The following CCDC171 variants were observed in gnomAD, a reference collection of about 807,000 sequenced individuals.
The protein encoded by CCDC171 is coiled-coil domain-containing protein 171.
Under a neutral mutation model 168.2 loss-of-function variants are expected in CCDC171, and 177 were observed. That is an observed-to-expected ratio of 1.05 (90% CI 0.93 to 1.19). The LOEUF (loss-of-function observed/expected upper bound fraction) is 1.19. Among genes scored for constraint, CCDC171 ranks in the 50% most tolerant of loss-of-function variants. The pLI is 0.00. For synonymous variants in CCDC171, 687 were observed against 540.8 expected (o/e 1.27, Z -3.75); for missense variants, 1,991 against 1,539.0 (o/e 1.29, Z -4.91).
At position 15,564,143 on chromosome 9, in the gene CCDC171, C is replaced by T. The variant is rs375601794; in HGVS notation, c.41+14C>T. 7.5e-5 allele frequency: 119 copies of T among 1,595,064 alleles called. No individual in the cohort carries two copies. The African/African-American group carries it at 1.1e-3, about 15-fold the overall frequency. Reference sequence around the variant, plus strand: ...TGATACCCAAAGGTAAGCCTCTAGTCTCTTCTTTTAGTTGATGAACGTTTT... The same window carrying T: ...TGATACCCAAAGGTAAGCCTCTAGTTTCTTCTTTTAGTTGATGAACGTTTT... On this transcript the variant is annotated intron_variant, in intron 2 of 25. Coordinates refer to ENST00000380701, the MANE Select transcript of CCDC171 (RefSeq NM_173550.4).
At chr9:15,573,217 A>G (rs754335635) in intron 3 of CCDC171, among the ~76,000 whole-genome samples, 1 of 152,170 alleles carries the variant, frequency 6.6e-6, no homozygotes, top group Non-Finnish European at 1.5e-5. Flanking sequence ...ATAACAAGAG[A>G]TGAATACATA....
intron 4 of CCDC171, among the ~76,000 whole-genome samples, chr9:15,584,765 G>A (rs1004950609): frequency 7.2e-5 from 11 of 152,156 alleles, no homozygotes; most frequent in African/African-American, 2.7e-4. Context: ...GGGGTATTGT[G>A]TTCTGAGCCC....
At position 15,666,275 on chromosome 9, in the gene CCDC171, A is replaced by G. The variant is rs2048727357; in HGVS notation, c.1028A>G (p.Tyr343Cys). 6.2e-7 allele frequency: 1 copy of G among 1,613,660 alleles called. No homozygotes were observed. ...GAATTCAAAGAAGTTGAAAGTGCAT[A>G]TGAGCGAGAAAAGCATAATGCACAA... Reference protein sequence around the residue: ...KNEFKEVESAYEREKHNAQES... With the variant: ...KNEFKEVESACEREKHNAQES... Residue 343 changes from tyrosine to cysteine, a missense_variant, in exon 9 of 26, where the codon TAT becomes TGT. Physicochemically the swap from Tyr to Cys is radical, Grantham distance 194. Transcript: ENST00000380701.
the CCDC171 span, among the ~76,000 whole-genome samples, chr9:16,106,098 C>A: frequency 6.6e-6 from 1 of 152,170 alleles, no homozygotes; most frequent in Non-Finnish European, 1.5e-5. Flanking sequence ...GGCCCCTGCC[C>A]AGCAAGAGGG....
intron 7 of CCDC171, among the ~76,000 whole-genome samples, chr9:15,635,052 TTG>T (rs2046096320): frequency 6.6e-6 from 1 of 152,186 alleles, no homozygotes. Flanking sequence ...TGATGGACGT[TTG>T]TGTTTGTATT....
chr9:15,953,493 G>C (rs2132512084), intron 25 of CCDC171, among the ~76,000 whole-genome samples: 1 of 152,234 alleles, frequency 6.6e-6, no homozygotes, highest in Admixed American at 6.5e-5. Flanking sequence ...ATTGGCTTTT[G>C]TATGTTGAGC....
chr9:15,948,723 C>A (rs1359731983), intron 25 of CCDC171, among the ~76,000 whole-genome samples: 2 of 151,046 alleles, frequency 1.3e-5, no homozygotes, highest in Non-Finnish European at 3.0e-5. Flanking sequence ...TGGATATTAG[C>A]CCTTTGTCAG....
At chr9:15,687,971 T>C (rs544295224) in intron 10 of CCDC171, among the ~76,000 whole-genome samples, 15 of 151,944 alleles carry the variant, frequency 9.9e-5, no homozygotes, top group African/African-American at 3.6e-4. Flanking sequence ...ATACAAAAAT[T>C]AGCTGGGCAA....
the CCDC171 span, among the ~76,000 whole-genome samples, chr9:16,104,430 C>T: frequency 1.3e-5 from 2 of 152,106 alleles, no homozygotes; most frequent in African/African-American, 4.8e-5. Context: ...TTTGTCTTCC[C>T]AGCCTTTCTC....
At chr9:16,009,231 G>A (rs1172579016) in intron 3 of CCDC171, among the ~76,000 whole-genome samples, 2 of 152,056 alleles carry the variant, frequency 1.3e-5, no homozygotes, top group African/African-American at 2.4e-5. Context: ...AGAGTGGTCT[G>A]ACCTTAGGAG....
At chr9:15,913,400 C>G (rs1824005677) in intron 24 of CCDC171, among the ~76,000 whole-genome samples, 1 of 152,048 alleles carries the variant, frequency 6.6e-6, no homozygotes, top group South Asian at 2.1e-4. Context: ...GTTATTGTGT[C>G]TATTTGATTC....
chr9:16,091,328 A>T, the CCDC171 span, among the ~76,000 whole-genome samples: 4 of 152,242 alleles, frequency 2.6e-5, no homozygotes, highest in Non-Finnish European at 5.9e-5. Flanking sequence ...AAATGAGATA[A>T]TTAGAATTCT....
In CCDC171 at chr9:15,892,964, A is replaced by G. The variant is rs186108604; in HGVS notation, c.3600+18301A>G. On this transcript the variant is annotated intron_variant, in intron 24 of 25. Transcript: ENST00000380701. ...AAAATTAATATGGAACCAAGAAAGA[A>G]CCTGAATAGCCAAGACAATCCTAAG... Among the ~76,000 whole-genome samples, 96 of 152,200 alleles carry G rather than the reference A, an allele frequency of 6.3e-4. 1 individual carries two copies. The highest frequency in any genetic ancestry group is 1.0e-3 in the Admixed American group (16 of 15,272).
intron 23 of CCDC171, among the ~76,000 whole-genome samples, chr9:15,855,233 T>C (rs2130876306): frequency 6.6e-6 from 1 of 151,942 alleles, no homozygotes; most frequent in South Asian, 2.1e-4. Context: ...CAGTTTTGCT[T>C]CATATATTTT....
intron 24 of CCDC171, among the ~76,000 whole-genome samples, chr9:15,898,348 C>A (rs1821173413): frequency 6.6e-6 from 1 of 152,148 alleles, no homozygotes; most frequent in Non-Finnish European, 1.5e-5. Flanking sequence ...ATATACCCCT[C>A]AGATTACATT....
chr9:16,090,457 C>T, the CCDC171 span, among the ~76,000 whole-genome samples: 1 of 152,086 alleles, frequency 6.6e-6, no homozygotes, highest in Non-Finnish European at 1.5e-5. Flanking sequence ...AGGAGAAATA[C>T]CTAATGTAGA....
At chr9:15,956,907 A>C (rs1159525032) in intron 25 of CCDC171, among the ~76,000 whole-genome samples, 1 of 152,108 alleles carries the variant, frequency 6.6e-6, no homozygotes, top group African/African-American at 2.4e-5. Context: ...TTAATGATGT[A>C]ATGGAAAAAT....
At chr9:15,759,025 G>T (rs2056299077) in intron 18 of CCDC171, among the ~76,000 whole-genome samples, 1 of 152,106 alleles carries the variant, frequency 6.6e-6, no homozygotes, top group African/African-American at 2.4e-5. Flanking sequence ...CAAAGGATAT[G>T]ATTTCATTCT....
intron 3 of CCDC171, among the ~76,000 whole-genome samples, chr9:15,990,231 T>C (rs57954920): frequency 0.075 from 11,368 of 151,586 alleles, 1,406 homozygotes; most frequent in African/African-American, 0.26. Flanking sequence ...GCAGATCTCT[T>C]GGCAGAAACT....
Sources: allele counts gnomAD v4.1 joint callset (sites outside exome capture counted in the v4.1 genomes callset), GRCh38; gene constraint gnomAD v4.1.1; transcripts MANE v1.5; gene names NCBI Gene and HGNC (gene_info 2026-07-23, HGNC 2026-07-21).